Variants in SORCS1 observed in about 807,000 individuals in gnomAD.
SORCS1 encodes the protein sortilin related VPS10 domain containing receptor 1.
Under a neutral mutation model 146.1 loss-of-function variants are expected in SORCS1, and 60 were observed. The observed-to-expected ratio is 0.41, with a 90% CI of 0.33 to 0.51. The LOEUF is 0.51. Ranked by LOEUF, SORCS1 falls within the 20% of genes least tolerant of loss-of-function variation. SORCS1 has a pLI of 0.21. For missense variants in SORCS1, 1,352 were observed against 1,487.6 expected (o/e 0.91, Z 1.50); for synonymous variants, 637 against 584.0 (o/e 1.09, Z -1.31).
At chr10:106,747,597 C>T (rs1268521277) in intron 5 of SORCS1, among the ~76,000 whole-genome samples, 1 of 152,140 alleles carries the variant, frequency 6.6e-6, no homozygotes, top group Non-Finnish European at 1.5e-5. Flanking sequence ...GTCTTCTCTA[C>T]TCTTCTGTCT....
At position 106,833,854 on chromosome 10, in the gene SORCS1, C is replaced by T. The variant is rs576623981; in HGVS notation, c.627-4181G>A. Among the ~76,000 whole-genome samples, 18 of 152,164 alleles carry T rather than the reference C, an allele frequency of 1.2e-4. No homozygotes were observed. The South Asian group carries it at 1.2e-3, about 11-fold the overall frequency. ...TGTCACCCAGGCTGGAGTGCAGTGGCGCAATCTCGGCTCACTGCAAGCTCC... is the reference window on the plus strand; with the variant it reads ...TGTCACCCAGGCTGGAGTGCAGTGGTGCAATCTCGGCTCACTGCAAGCTCC... On this transcript the variant is annotated intron_variant, in intron 2 of 25. Coordinates refer to ENST00000263054, the MANE Select transcript of SORCS1 (RefSeq NM_052918.5).
At chr10:106,984,422 T>A (rs1353481512) in intron 1 of SORCS1, among the ~76,000 whole-genome samples, 1 of 145,184 alleles carries the variant, frequency 6.9e-6, no homozygotes, top group Non-Finnish European at 1.5e-5. Context: ...GAGACAGAGT[T>A]TTGCTCTGTC....
upstream of SORCS1, among the ~76,000 whole-genome samples, chr10:107,164,833 C>G (rs1348718110): frequency 6.8e-6 from 1 of 147,098 alleles, no homozygotes; most frequent in Non-Finnish European, 1.5e-5. This position sits in a 1 kb window ranked among gnomAD's most constrained non-coding sequence, Gnocchi z 6.8. Context: ...TGCCGGGACT[C>G]CGGGCGCCGC....
chr10:106,628,310 T>C (rs1848227512), intron 19 of SORCS1, among the ~76,000 whole-genome samples: 1 of 152,216 alleles, frequency 6.6e-6, no homozygotes, highest in African/African-American at 2.4e-5. Flanking sequence ...ATACTTTCTG[T>C]ATTCAATTTT....
At chr10:106,699,106 C>T in intron 9 of SORCS1, 108 bp downstream of exon 9, 1 of 922,516 alleles carries the variant, frequency 1.1e-6, no homozygotes, top group Non-Finnish European at 1.5e-6. Flanking sequence ...AGAAATGAGG[C>T]CACATAAGGA....
At chr10:107,133,047 C>T (rs1315906379) in intron 1 of SORCS1, among the ~76,000 whole-genome samples, 1 of 152,078 alleles carries the variant, frequency 6.6e-6, no homozygotes, top group East Asian at 1.9e-4. Context: ...ATAAACTAGA[C>T]AGGAGAAAAG....
intron 1 of SORCS1, among the ~76,000 whole-genome samples, chr10:107,073,187 T>C (rs1962589082): frequency 6.6e-6 from 1 of 152,144 alleles, no homozygotes; most frequent in Admixed American, 6.5e-5. Flanking sequence ...AGAGATGAGA[T>C]CAGCCAAGGT....
intron 2 of SORCS1, among the ~76,000 whole-genome samples, chr10:106,856,847 A>G (rs1949806097): frequency 6.6e-6 from 1 of 152,172 alleles, no homozygotes; most frequent in Non-Finnish European, 1.5e-5. Flanking sequence ...CTGCTCAGGT[A>G]AATTGTGATT....
At chr10:106,838,559 C>T (rs1023389096) in intron 2 of SORCS1, among the ~76,000 whole-genome samples, 2 of 152,168 alleles carry the variant, frequency 1.3e-5, no homozygotes, top group South Asian at 2.1e-4. Context: ...TAGTTTCACT[C>T]GGTCAAAAAT....
At chr10:106,899,680 T>A (rs1343451844) in intron 2 of SORCS1, among the ~76,000 whole-genome samples, 1 of 149,442 alleles carries the variant, frequency 6.7e-6, no homozygotes, top group Non-Finnish European at 1.5e-5. Context: ...CCACAAAGTA[T>A]CTTCCAAATG....
At chr10:106,641,826 C>G (rs1157050702) in intron 18 of SORCS1, among the ~76,000 whole-genome samples, 1 of 151,836 alleles carries the variant, frequency 6.6e-6, no homozygotes, top group Admixed American at 6.6e-5. Context: ...TATTATTAAT[C>G]TTTTTTATTT....
At chr10:106,947,878 G>T (rs897879756) in intron 2 of SORCS1, among the ~76,000 whole-genome samples, 1 of 151,700 alleles carries the variant, frequency 6.6e-6, no homozygotes, top group African/African-American at 2.4e-5. Flanking sequence ...GCTACAAACA[G>T]TACCTATTTT....
At chr10:106,875,622 T>G (rs896816392) in intron 2 of SORCS1, among the ~76,000 whole-genome samples, 9 of 152,126 alleles carry the variant, frequency 5.9e-5, no homozygotes, top group African/African-American at 2.2e-4. Flanking sequence ...CATACTAACA[T>G]CTATTGTTTT....
chr10:107,005,156 T>C (rs1957385585), intron 1 of SORCS1, among the ~76,000 whole-genome samples: 1 of 152,112 alleles, frequency 6.6e-6, no homozygotes, highest in South Asian at 2.1e-4. Context: ...CGGCATTATT[T>C]ATAATAGAAA....
chr10:106,700,445 CAAACAAACGAAAACAAAGATTGCAT>C (rs1202067213), intron 8 of SORCS1, among the ~76,000 whole-genome samples: 1 of 11,626 alleles, frequency 8.6e-5, no homozygotes, highest in Non-Finnish European at 1.8e-3. Flanking sequence ...GTAACCAAAA[CAAACAAACGAAAACAAAGATTGCAT>C]ATAACCACAA....
At chr10:106,801,957 G>T (rs143023977) in intron 3 of SORCS1, among the ~76,000 whole-genome samples, 2 of 152,118 alleles carry the variant, frequency 1.3e-5, no homozygotes, top group South Asian at 2.1e-4. Context: ...TAGTGTCAGC[G>T]TTTTCATCCA....
chr10:106,782,904 C>A (rs988785302), intron 3 of SORCS1, among the ~76,000 whole-genome samples: 2 of 152,168 alleles, frequency 1.3e-5, no homozygotes, highest in African/African-American at 4.8e-5. Context: ...TAATCCTAAA[C>A]CTGGCTCTAG....
chr10:106,745,893 G>T (rs373544880), intron 5 of SORCS1, among the ~76,000 whole-genome samples: 8 of 152,270 alleles, frequency 5.3e-5, no homozygotes, highest in African/African-American at 1.7e-4. Context: ...TGTACTCCTT[G>T]ATATGAGGTG....
intron 2 of SORCS1, among the ~76,000 whole-genome samples, chr10:106,903,350 A>G (rs1315432334): frequency 6.6e-6 from 1 of 152,212 alleles, no homozygotes; most frequent in Non-Finnish European, 1.5e-5. Flanking sequence ...AAGGCCATAC[A>G]TCTGGTAATG....
Sources: gnomAD v4.1 joint callset for allele counts (sites outside exome capture counted in the v4.1 genomes callset) on GRCh38, gnomAD v4.1.1 for gene constraint, Gnocchi (gnomAD v3.1) non-coding constraint, MANE v1.5 for transcripts, NCBI Gene and HGNC (gene_info 2026-07-23, HGNC 2026-07-21) for gene names.